Variants in CCBE1 observed in about 807,000 individuals in gnomAD.
The protein encoded by CCBE1 is collagen and calcium binding EGF domains 1.
In CCBE1, 37 loss-of-function variants were observed where a neutral mutation model predicts 50.0. The observed-to-expected ratio is 0.74, with a 90% CI of 0.57 to 0.97. CCBE1 has a LOEUF of 0.97. Ranked by LOEUF, CCBE1 falls within the 50% of genes least tolerant of loss-of-function variation. CCBE1 has a pLI of 0.00. For synonymous variants in CCBE1, 234 were observed against 203.7 expected (o/e 1.15, Z -1.27); for missense variants, 538 against 523.8 (o/e 1.03, Z -0.26).
chr18:59,682,145 T>C (rs1355577415), intron 2 of CCBE1, among the ~76,000 whole-genome samples: 4 of 152,182 alleles, frequency 2.6e-5, no homozygotes, highest in Admixed American at 2.0e-4. Context: ...GGGCAGATCA[T>C]GAGGTCTAGA....
intron 2 of CCBE1, among the ~76,000 whole-genome samples, chr18:59,492,272 T>C (rs1913147223): frequency 6.6e-6 from 1 of 151,892 alleles, no homozygotes; most frequent in Non-Finnish European, 1.5e-5. Context: ...AAGCCCCAAA[T>C]TACCTACAAC....
chr18:59,594,240 GA>G (rs1214022677), intron 2 of CCBE1, among the ~76,000 whole-genome samples: 1 of 152,154 alleles, frequency 6.6e-6, no homozygotes, highest in Non-Finnish European at 1.5e-5. Context: ...TTCTACAAAT[GA>G]ATCCGCTACA....
At chr18:59,633,744 T>TTTTAA (rs375734821) in intron 2 of CCBE1, among the ~76,000 whole-genome samples, 1 of 151,476 alleles carries the variant, frequency 6.6e-6, no homozygotes, top group African/African-American at 2.4e-5. Flanking sequence ...TTTTTTTTTT[T>TTTTAA]AAAATAAAAC....
At chr18:59,462,201 T>G (rs1321292957) in intron 5 of CCBE1, among the ~76,000 whole-genome samples, 3 of 152,190 alleles carry the variant, frequency 2.0e-5, no homozygotes, top group African/African-American at 7.2e-5. Flanking sequence ...TCAGATGCCA[T>G]GCAGTCTACA....
chr18:59,584,424 A>G (rs146908723), intron 2 of CCBE1, among the ~76,000 whole-genome samples: 13,668 of 151,372 alleles, frequency 0.09, 789 homozygotes, highest in Non-Finnish European at 0.12. Context: ...TGGGTGCAGC[A>G]CACCAGCATG....
intron 2 of CCBE1, among the ~76,000 whole-genome samples, chr18:59,556,772 C>A (rs551000147): frequency 2.2e-4 from 34 of 152,212 alleles, no homozygotes; most frequent in Non-Finnish European, 7.4e-5. Flanking sequence ...TGGAAATGTC[C>A]AAGGAAAGAG....
At chr18:59,625,904 C>T (rs939237896) in intron 2 of CCBE1, among the ~76,000 whole-genome samples, 5 of 152,190 alleles carry the variant, frequency 3.3e-5, no homozygotes, top group Admixed American at 3.3e-4. Context: ...GAGGAACAGG[C>T]TCTCAGACAC....
At chr18:59,660,681 A>G (rs1317605145) in intron 2 of CCBE1, among the ~76,000 whole-genome samples, 1 of 152,194 alleles carries the variant, frequency 6.6e-6, no homozygotes, top group Non-Finnish European at 1.5e-5. Flanking sequence ...CACCTAAGTC[A>G]AACAGCCTGT....
chr18:59,482,036 C>G (rs1160187535), intron 2 of CCBE1, among the ~76,000 whole-genome samples: 1 of 152,172 alleles, frequency 6.6e-6, no homozygotes, highest in Non-Finnish European at 1.5e-5. Flanking sequence ...TCCTAATGCT[C>G]TCCCTCCCCT....
intron 2 of CCBE1, among the ~76,000 whole-genome samples, chr18:59,629,229 G>C (rs2053823399): frequency 6.6e-6 from 1 of 152,168 alleles, no homozygotes; most frequent in Non-Finnish European, 1.5e-5. Context: ...CCATTGCACT[G>C]CTAATTTCTT....
chr18:59,580,485 G>A (rs2053067613), intron 2 of CCBE1, among the ~76,000 whole-genome samples: 1 of 152,234 alleles, frequency 6.6e-6, no homozygotes, highest in South Asian at 2.1e-4. Context: ...TCATGGGCAT[G>A]AGTCCTCAGC....
chr18:59,620,741 C>T (rs28581760), intron 2 of CCBE1, among the ~76,000 whole-genome samples: 4,044 of 152,274 alleles, frequency 0.027, 161 homozygotes, highest in African/African-American at 0.092. Context: ...CATCCCTTTG[C>T]TCTTCCTTCT....
At chr18:59,487,903 A>G (rs1487096322) in intron 2 of CCBE1, among the ~76,000 whole-genome samples, 1 of 152,256 alleles carries the variant, frequency 6.6e-6, no homozygotes, top group Non-Finnish European at 1.5e-5. Flanking sequence ...ACCAATGGTC[A>G]TAGCAGCATT....
chr18:59,613,840 A>C (rs551363348), intron 2 of CCBE1, among the ~76,000 whole-genome samples: 81 of 148,024 alleles, frequency 5.5e-4, no homozygotes, highest in Non-Finnish European at 7.3e-4. Flanking sequence ...AAATTGAAGC[A>C]CAAAGATGTT....
chr18:59,498,507 T>C (rs1254435644), intron 2 of CCBE1, among the ~76,000 whole-genome samples: 2 of 152,232 alleles, frequency 1.3e-5, no homozygotes, highest in Admixed American at 6.5e-5. Flanking sequence ...TGAATTTCTA[T>C]GCATTTTATG....
chr18:59,612,078 T>C (rs765628210), intron 2 of CCBE1, among the ~76,000 whole-genome samples: 4 of 152,128 alleles, frequency 2.6e-5, no homozygotes, highest in Admixed American at 6.5e-5. Flanking sequence ...GCCTACAGCA[T>C]AGGCCTAGAT....
intron 2 of CCBE1, among the ~76,000 whole-genome samples, chr18:59,518,445 C>T (rs1188781254): frequency 6.6e-6 from 1 of 152,216 alleles, no homozygotes; most frequent in Non-Finnish European, 1.5e-5. Context: ...GAGCCAAGAA[C>T]AAGCCATTCA....
intron 2 of CCBE1, among the ~76,000 whole-genome samples, chr18:59,515,398 T>C (rs1218368039): frequency 6.6e-6 from 1 of 152,206 alleles, no homozygotes; most frequent in Non-Finnish European, 1.5e-5. Context: ...GGGCCACTTC[T>C]CCTAAGCATG....
chr18:59,662,820 A>G (rs1269066022), intron 2 of CCBE1, among the ~76,000 whole-genome samples: 1 of 152,216 alleles, frequency 6.6e-6, no homozygotes, highest in Non-Finnish European at 1.5e-5. Context: ...ACATTCTAAA[A>G]TCCTGTGCAA....
Sources: allele counts gnomAD v4.1 joint callset (sites outside exome capture counted in the v4.1 genomes callset), GRCh38; gene constraint gnomAD v4.1.1; transcripts MANE v1.5; gene names NCBI Gene and HGNC (gene_info 2026-07-23, HGNC 2026-07-21).